Variants in MAST4 observed in about 807,000 individuals in gnomAD.
The protein encoded by MAST4 is microtubule-associated serine/threonine-protein kinase 4.
MAST4 carries 89 observed loss-of-function variants against 162.7 expected under a neutral mutation model. That is an observed-to-expected ratio of 0.55 (90% CI 0.46 to 0.65). MAST4 has a LOEUF of 0.65. Among genes scored for constraint, MAST4 ranks in the 30% least tolerant of loss-of-function variants. The pLI, the probability that MAST4 is intolerant of heterozygous loss-of-function variation, is 0.00. For synonymous variants in MAST4, 1,479 were observed against 1,361.1 expected (o/e 1.09, Z -1.91); for missense variants, 3,153 against 3,374.0 (o/e 0.93, Z 1.62).
chr5:66,970,760 G>C (rs1344649145), intron 4 of MAST4, among the ~76,000 whole-genome samples: 6 of 152,228 alleles, frequency 3.9e-5, no homozygotes, highest in African/African-American at 1.4e-4. Flanking sequence ...TGTTCTTAGT[G>C]CTGCACGTAT....
chr5:66,994,425 C>T lies in MAST4; in HGVS notation c.675-59979C>T, dbSNP rs183130300. Among the ~76,000 whole-genome samples, 412 of 152,198 alleles carry T rather than the reference C, an allele frequency of 2.7e-3. 2 individuals are homozygous for T. Among genetic ancestry groups the T allele is most frequent in the South Asian group, 4.6e-3 (22 of 4,820 alleles). ...TATTAGCATTCTTAATAATTCTGTA[C>T]GTACTTCATTTCCTAAAAGCTACTT... is the stretch of plus-strand genomic sequence containing the variant. On this transcript the variant is annotated intron_variant, in intron 4 of 28. Coordinates refer to ENST00000403625, the MANE Select transcript of MAST4 (RefSeq NM_001164664.2).
intron 4 of MAST4, among the ~76,000 whole-genome samples, chr5:66,974,413 A>G (rs1747859715): frequency 6.6e-6 from 1 of 152,212 alleles, no homozygotes; most frequent in South Asian, 2.1e-4. Context: ...TTTCTATTTC[A>G]TGACACTGAG....
At chr5:66,848,658 G>A (rs1274403341) in intron 3 of MAST4, among the ~76,000 whole-genome samples, 1 of 152,178 alleles carries the variant, frequency 6.6e-6, no homozygotes, top group Non-Finnish European at 1.5e-5. Context: ...ATGCAGTTTT[G>A]TGAGGATTAG....
chr5:66,873,153 C>T (rs567485346), intron 3 of MAST4, among the ~76,000 whole-genome samples: 20 of 152,186 alleles, frequency 1.3e-4, no homozygotes, highest in Non-Finnish European at 1.5e-4. Flanking sequence ...ATTGGTTCAG[C>T]GACATTACCA....
At chr5:67,116,518 T>C (rs1359099076) in intron 12 of MAST4, among the ~76,000 whole-genome samples, 1 of 151,898 alleles carries the variant, frequency 6.6e-6, no homozygotes, top group African/African-American at 2.4e-5. Flanking sequence ...GAGGCTAGTT[T>C]TTAATCTATT....
chr5:66,837,942 A>T (rs1758143172), intron 3 of MAST4, among the ~76,000 whole-genome samples: 1 of 132,240 alleles, frequency 7.6e-6, no homozygotes, highest in African/African-American at 2.9e-5. Context: ...TGGAAGGTGG[A>T]TATACTCACC....
chr5:67,111,079 C>T (rs1766180607), intron 11 of MAST4, among the ~76,000 whole-genome samples: 1 of 151,966 alleles, frequency 6.6e-6, no homozygotes, highest in African/African-American at 2.4e-5. Flanking sequence ...TGATCATTCT[C>T]CTATTTAAAA....
intron 1 of MAST4, among the ~76,000 whole-genome samples, chr5:66,696,541 G>C (rs1749413806): frequency 6.6e-6 from 1 of 151,772 alleles, no homozygotes; most frequent in Non-Finnish European, 1.5e-5. Flanking sequence ...CAACATGATG[G>C]TCAAGTCAAC....
At chr5:67,069,287 G>GAGATAT (rs138978370) in intron 5 of MAST4, among the ~76,000 whole-genome samples, 46 of 107,632 alleles carry the variant, frequency 4.3e-4, no homozygotes, top group East Asian at 1.8e-3. Context: ...GAGGAGATTG[G>GAGATAT]ATATATATAT....
chr5:66,992,994 G>A (rs1339758236), intron 4 of MAST4, among the ~76,000 whole-genome samples: 2 of 152,246 alleles, frequency 1.3e-5, no homozygotes, highest in East Asian at 1.9e-4. Context: ...CCCTGCTCAA[G>A]TTCATGTTTT....
intron 1 of MAST4, among the ~76,000 whole-genome samples, chr5:66,672,281 C>A (rs1468546436): frequency 6.6e-6 from 1 of 152,190 alleles, no homozygotes; most frequent in African/African-American, 2.4e-5. Context: ...ACCTGGGAAG[C>A]ATCATCTTTT....
chr5:66,978,434 G>T (rs1748397919), intron 4 of MAST4, among the ~76,000 whole-genome samples: 1 of 152,176 alleles, frequency 6.6e-6, no homozygotes, highest in African/African-American at 2.4e-5. Flanking sequence ...TTAGGTTGCT[G>T]TACTAATGCT....
intron 3 of MAST4, among the ~76,000 whole-genome samples, chr5:66,859,106 AGCT>A (rs1301247682): frequency 3.9e-5 from 6 of 152,194 alleles, no homozygotes; most frequent in Admixed American, 6.5e-5. Flanking sequence ...CAAATAGAAT[AGCT>A]TTCTAGTTAT....
intron 1 of MAST4, among the ~76,000 whole-genome samples, chr5:66,641,985 A>G (rs577762449): frequency 6.6e-6 from 1 of 152,360 alleles, no homozygotes; most frequent in South Asian, 2.1e-4. Context: ...TATTTTAGCT[A>G]ATAAATGAAG....
intron 4 of MAST4, among the ~76,000 whole-genome samples, chr5:66,913,455 C>G (rs948187013): frequency 2.0e-5 from 3 of 152,318 alleles, no homozygotes; most frequent in East Asian, 1.9e-4. Flanking sequence ...ATATGTCAAT[C>G]ATTTATTAGA....
intron 5 of MAST4, among the ~76,000 whole-genome samples, chr5:67,060,287 G>A (rs1041555632): frequency 3.2e-4 from 49 of 152,020 alleles, no homozygotes; most frequent in African/African-American, 1.1e-3. Context: ...TAAATTGGAC[G>A]GTGGTAAAGG....
chr5:67,144,565 C>G, intron 21 of MAST4, 104 bp from the exon 22 acceptor site: 1 of 1,187,360 alleles, frequency 8.4e-7, no homozygotes, highest in South Asian at 1.4e-5. Context: ...AATATTAGTT[C>G]AGAATTTAGT....
intron 4 of MAST4, among the ~76,000 whole-genome samples, chr5:66,996,137 C>A (rs529971991): frequency 6.6e-6 from 1 of 151,720 alleles, no homozygotes; most frequent in Non-Finnish European, 1.5e-5. Context: ...AAATTAGCTG[C>A]GCATGGTGGC....
chr5:66,799,259 T>C (rs1026766089), intron 3 of MAST4, among the ~76,000 whole-genome samples: 8 of 152,230 alleles, frequency 5.3e-5, no homozygotes, highest in Non-Finnish European at 8.8e-5. Context: ...GTCTGTACTT[T>C]AGTGTACACA....
Sources: gnomAD v4.1 joint callset for allele counts (sites outside exome capture counted in the v4.1 genomes callset) on GRCh38, gnomAD v4.1.1 for gene constraint, MANE v1.5 for transcripts, NCBI Gene and HGNC (gene_info 2026-07-23, HGNC 2026-07-21) for gene names.